DPP10: variants seen among roughly 807,000 people sequenced by gnomAD.
The protein encoded by DPP10 is dipeptidyl peptidase like 10.
DPP10 carries 33 observed loss-of-function variants against 120.9 expected under a neutral mutation model. The ratio of observed to expected loss-of-function variants is 0.27; its 90% CI spans 0.21 to 0.37. The LOEUF is 0.37. DPP10 is among the 10% of genes least tolerant of loss of function. The probability of loss-of-function intolerance (pLI) is 1.00; values close to 1 mark genes in which losing one functional copy is unlikely to be tolerated. For missense variants in DPP10, 816 were observed against 942.8 expected (o/e 0.87, Z 1.76); for synonymous variants, 337 against 326.1 (o/e 1.03, Z -0.36).
At chr2:115,162,878 C>T (rs2052535234) in intron 1 of DPP10, among the ~76,000 whole-genome samples, 1 of 151,872 alleles carries the variant, frequency 6.6e-6, no homozygotes, top group Non-Finnish European at 1.5e-5. Context: ...GCTCTTTTTC[C>T]AAAGTTGGAG....
intron 1 of DPP10, among the ~76,000 whole-genome samples, chr2:115,209,585 A>T (rs142750040): frequency 6.6e-6 from 1 of 152,042 alleles, no homozygotes; most frequent in Non-Finnish European, 1.5e-5. Flanking sequence ...TTCTTTGTTT[A>T]TTCTAACTTT....
chr2:115,029,454 G>A (rs1292715609), intron 1 of DPP10, among the ~76,000 whole-genome samples: 1 of 149,318 alleles, frequency 6.7e-6, no homozygotes. Flanking sequence ...TTGCACATTA[G>A]CGTTTTTTTT....
At chr2:115,342,159 T>C in intron 2 of DPP10, 2 of 455,272 alleles carry the variant, frequency 4.4e-6, no homozygotes, top group South Asian at 3.1e-5. Flanking sequence ...AAGCACTCTC[T>C]ATCCTTATAC....
At chr2:114,638,079 T>G (rs981968560) in intron 1 of DPP10, among the ~76,000 whole-genome samples, 1 of 151,930 alleles carries the variant, frequency 6.6e-6, no homozygotes, top group Non-Finnish European at 1.5e-5. Context: ...TTGGGCAGTA[T>G]GGCCATTTTA....
chr2:115,245,600 C>G (rs2058498512), intron 1 of DPP10, among the ~76,000 whole-genome samples: 1 of 152,116 alleles, frequency 6.6e-6, no homozygotes, highest in Admixed American at 6.6e-5. Context: ...AGTAGAATTA[C>G]CGTTTGATCC....
At chr2:114,929,073 G>T (rs1268923132) in intron 1 of DPP10, among the ~76,000 whole-genome samples, 1 of 152,166 alleles carries the variant, frequency 6.6e-6, no homozygotes, top group Non-Finnish European at 1.5e-5. Context: ...CCTATTGGTA[G>T]GTTCTGTGAT....
At chr2:114,842,682 C>T (rs1165598293) in intron 1 of DPP10, among the ~76,000 whole-genome samples, 5 of 152,112 alleles carry the variant, frequency 3.3e-5, no homozygotes, top group African/African-American at 1.2e-4. Flanking sequence ...AGAAGAAGCA[C>T]CAATGTTATC....
At chr2:114,825,154 T>C (rs1418905642) in intron 1 of DPP10, among the ~76,000 whole-genome samples, 1 of 152,250 alleles carries the variant, frequency 6.6e-6, no homozygotes, top group Non-Finnish European at 1.5e-5. Flanking sequence ...TCTGTCAGTG[T>C]AAAATCAATC....
At chr2:115,445,217 C>T (rs935031645) in intron 3 of DPP10, among the ~76,000 whole-genome samples, 1 of 152,112 alleles carries the variant, frequency 6.6e-6, no homozygotes, top group Admixed American at 6.6e-5. Context: ...TTATGAATTA[C>T]ACAGTCTTGG....
At chr2:115,583,031 A>T (rs908039005) in intron 5 of DPP10, among the ~76,000 whole-genome samples, 2 of 152,216 alleles carry the variant, frequency 1.3e-5, no homozygotes, top group Non-Finnish European at 2.9e-5. Flanking sequence ...TTTGATGAAT[A>T]AGAAAGCCTT....
At chr2:114,605,727 A>G (rs1404316945) in intron 1 of DPP10, among the ~76,000 whole-genome samples, 1 of 152,090 alleles carries the variant, frequency 6.6e-6, no homozygotes, top group Non-Finnish European at 1.5e-5. Flanking sequence ...CATCAAATCA[A>G]AAGTTCATGA....
intron 5 of DPP10, among the ~76,000 whole-genome samples, chr2:115,594,343 T>C (rs2082862451): frequency 6.6e-6 from 1 of 152,186 alleles, no homozygotes; most frequent in Admixed American, 6.5e-5. Context: ...GAAAGAAATA[T>C]GCTTCTAAGT....
intron 3 of DPP10, among the ~76,000 whole-genome samples, chr2:115,457,379 A>T (rs1402912882): frequency 6.6e-6 from 1 of 152,176 alleles, no homozygotes; most frequent in East Asian, 1.9e-4. Flanking sequence ...TATCAAGAGC[A>T]TCATTCATAA....
intron 1 of DPP10, among the ~76,000 whole-genome samples, chr2:115,202,557 G>A (rs998835907): frequency 9.2e-5 from 14 of 152,132 alleles, no homozygotes; most frequent in Non-Finnish European, 2.1e-4. Context: ...AGAGACACTT[G>A]TATTATTTTA....
chr2:114,550,803 G>A (rs13008052), intron 1 of DPP10, among the ~76,000 whole-genome samples: 27,935 of 152,102 alleles, frequency 0.18, 2,682 homozygotes, highest in Non-Finnish European at 0.21. Flanking sequence ...CAAGGTTAGG[G>A]ACAGTTTCTA....
At chr2:115,386,918 T>C (rs1280744107) in intron 3 of DPP10, among the ~76,000 whole-genome samples, 1 of 150,176 alleles carries the variant, frequency 6.7e-6, no homozygotes, top group Non-Finnish European at 1.5e-5. Context: ...AAAAAAAAAC[T>C]GTAAGAATAT....
chr2:114,742,942 T>C (rs142355113), intron 1 of DPP10, among the ~76,000 whole-genome samples: 1 of 152,348 alleles, frequency 6.6e-6, no homozygotes, highest in East Asian at 1.9e-4. Context: ...AATGCACACA[T>C]TTGAATTTTT....
intron 9 of DPP10, 71 bp downstream of exon 9, chr2:115,739,964 T>G (rs1677052802): frequency 6.5e-7 from 1 of 1,528,628 alleles, no homozygotes; most frequent in African/African-American, 1.4e-5. Flanking sequence ...ATGGTATTCT[T>G]GGTTCTTGAA....
At chr2:114,613,301 T>C (rs1693423289) in intron 1 of DPP10, among the ~76,000 whole-genome samples, 1 of 152,174 alleles carries the variant, frequency 6.6e-6, no homozygotes, top group South Asian at 2.1e-4. Context: ...ATATAAAATA[T>C]TTAATAGCTT....
Sources: gnomAD v4.1 joint callset for allele counts (sites outside exome capture counted in the v4.1 genomes callset) on GRCh38, gnomAD v4.1.1 for gene constraint, MANE v1.5 for transcripts, NCBI Gene and HGNC (gene_info 2026-07-23, HGNC 2026-07-21) for gene names.